EXOC5: variants seen among roughly 807,000 people sequenced by gnomAD.
EXOC5 encodes exocyst complex component 5.
EXOC5 carries 17 observed loss-of-function variants against 90.8 expected under a neutral mutation model. The ratio of observed to expected loss-of-function variants is 0.19; its 90% CI spans 0.13 to 0.28. The LOEUF (loss-of-function observed/expected upper bound fraction) is 0.28, where lower values mean the gene tolerates loss of function less well. EXOC5 is among the 10% of genes least tolerant of loss of function. The probability of loss-of-function intolerance (pLI) is 1.00; values close to 1 mark genes in which losing one functional copy is unlikely to be tolerated. For synonymous variants in EXOC5, 260 were observed against 270.0 expected, an observed-to-expected ratio of 0.96 and a Z score of 0.36; for missense variants, 569 against 830.6, an observed-to-expected ratio of 0.69 and a Z score of 3.87.
Position 57,268,344 on chromosome 14 carries a change from C to T in EXOC5, c.27+278G>A, listed in dbSNP as rs189209835. On this transcript the variant is annotated intron_variant, in intron 1 of 17. Coordinates refer to ENST00000621441, the MANE Select transcript of EXOC5 (RefSeq NM_006544.4). ...AACACCCGAACCTTCCAGACTTTCC[C>T]TCTTGCCCCCACAAACAAAAGCAAC... 28 of 780,904 alleles carry T rather than the reference C, an allele frequency of 3.6e-5. No homozygotes were observed. In the Admixed American group the frequency reaches 8.4e-4, roughly 23 times the overall value. The allele number at this position is 780,904 out of a possible 1,614,324, so 48.4% of individuals were successfully genotyped here.
intron 1 of EXOC5, among the ~76,000 whole-genome samples, chr14:57,260,551 T>C (rs904153489): frequency 8.5e-5 from 13 of 152,176 alleles, no homozygotes; most frequent in African/African-American, 3.1e-4. Context: ...TTTTCCAGGA[T>C]AGAATATATC....
chr14:57,242,757 C>T (rs1251627956), intron 4 of EXOC5, among the ~76,000 whole-genome samples: 2 of 151,996 alleles, frequency 1.3e-5, no homozygotes, highest in Admixed American at 6.6e-5. Context: ...TAATAATTGG[C>T]AATCTAATAC....
chr14:57,267,618 T>C (rs1884715585), intron 1 of EXOC5, among the ~76,000 whole-genome samples: 1 of 152,220 alleles, frequency 6.6e-6, no homozygotes, highest in Non-Finnish European at 1.5e-5. Flanking sequence ...TTCTTTCCTT[T>C]TTCTTATCCG....
At chr14:57,232,842 T>G in intron 9 of EXOC5, 93 bp from the exon 10 acceptor site, 1 of 588,226 alleles carries the variant, frequency 1.7e-6, no homozygotes, top group Non-Finnish European at 2.9e-6. Flanking sequence ...ACTCCACAGT[T>G]TTGAACCTTT....
intron 15 of EXOC5, among the ~76,000 whole-genome samples, chr14:57,214,338 C>G (rs1326382082): frequency 6.6e-6 from 1 of 152,232 alleles, no homozygotes; most frequent in South Asian, 2.1e-4. Context: ...TGACTGTGCC[C>G]TGTCACATGA....
chr14:57,251,858 A>G (rs1884206815), intron 1 of EXOC5, among the ~76,000 whole-genome samples: 1 of 152,148 alleles, frequency 6.6e-6, no homozygotes, highest in African/African-American at 2.4e-5. Context: ...TACTAAAATC[A>G]CAAATGAAAA....
intron 12 of EXOC5, among the ~76,000 whole-genome samples, chr14:57,224,638 C>CAAAG (rs907012250): frequency 6.6e-6 from 1 of 151,758 alleles, no homozygotes; most frequent in Non-Finnish European, 1.5e-5. Flanking sequence ...TGACTTTTAC[C>CAAAG]AAAGAAAGAA....
chr14:57,268,814 C>T lies in EXOC5; in HGVS notation c.-166G>A. On this transcript the variant is annotated 5_prime_UTR_variant, in exon 1 of 18. It removes an upstream start codon present in the reference 5' UTR. Coordinates refer to ENST00000621441, the MANE Select transcript of EXOC5 (RefSeq NM_006544.4). The stretch of plus-strand genomic sequence containing the variant: ...ATCCCAGGAGGGGCGGGAGAGCGGC[C>T]ATGAAGCGAAGCCGCAAACGCTTGT... 2 of 1,400,520 alleles carry T rather than the reference C, an allele frequency of 1.4e-6. No homozygotes were observed. The highest frequency in any genetic ancestry group is 1.8e-6 in the Non-Finnish European group (2 of 1,084,256). The allele number at this position is 1,400,520 out of a possible 1,614,324, so 86.8% of individuals were successfully genotyped here. A position where few individuals can be genotyped will look rare whatever the true frequency, so the allele number is the denominator to read the frequency against.
In EXOC5 at chr14:57,201,308, G is replaced by A. The variant is rs1882491266; in HGVS notation, c.*7301C>T. 2 of 151,568 alleles carry A rather than the reference G, an allele frequency of 1.3e-5. No individual in the cohort carries two copies. Among genetic ancestry groups the A allele is most frequent in the Non-Finnish European group, 2.9e-5 (2 of 67,914 alleles). The allele number at this position is 151,568 out of a possible 1,614,324, so 9.4% of individuals were successfully genotyped here. On this transcript the variant is annotated 3_prime_UTR_variant, in exon 18 of 18. Coordinates refer to ENST00000621441, the MANE Select transcript of EXOC5 (RefSeq NM_006544.4). ...AACGACACAGGAGACAACCTGAAGA[G>A]GCTACTTCTGACCAAATTTGGGATA...
At chr14:57,243,476 C>T (rs990661208) in intron 4 of EXOC5, 1 of 152,040 alleles carries the variant, frequency 6.6e-6, no homozygotes. Context: ...TATGAGTGGA[C>T]AATGTTGCTA....
intron 1 of EXOC5, among the ~76,000 whole-genome samples, chr14:57,264,850 T>C (rs1422328002): frequency 1.3e-5 from 2 of 152,230 alleles, no homozygotes; most frequent in South Asian, 2.1e-4. Context: ...TATAACCTTA[T>C]TTTTAAGAGT....
chr14:57,251,602 C>G (rs1414893618), intron 1 of EXOC5, among the ~76,000 whole-genome samples: 1 of 151,442 alleles, frequency 6.6e-6, no homozygotes, highest in East Asian at 1.9e-4. Context: ...ATCAACACAA[C>G]TTTAAAACTT....
intron 4 of EXOC5, among the ~76,000 whole-genome samples, chr14:57,242,206 T>C (rs922491056): frequency 4.7e-5 from 7 of 149,640 alleles, no homozygotes; most frequent in East Asian, 2.0e-4. Flanking sequence ...AAACACATAA[T>C]AGGGTTTTTT....
chr14:57,211,211 G>A lies in EXOC5; in HGVS notation c.1614-1150C>T, dbSNP rs138026328. Among the ~76,000 whole-genome samples, 678 of 152,222 alleles carry A rather than the reference G, an allele frequency of 4.5e-3. 7 individuals carry two copies. The highest frequency in any genetic ancestry group is 0.015 in the African/African-American group (627 of 41,516). On this transcript the variant is annotated intron_variant, in intron 15 of 17. Coordinates refer to ENST00000621441, the MANE Select transcript of EXOC5 (RefSeq NM_006544.4). ...GCATTTTTTCTGCAGTGTTAGCAAC[G>A]TCACCTTGTCACTATTATCACAATC...
At chr14:57,250,777 C>T (rs927180472) in intron 1 of EXOC5, among the ~76,000 whole-genome samples, 2 of 152,130 alleles carry the variant, frequency 1.3e-5, no homozygotes, top group African/African-American at 4.8e-5. Context: ...ATCCTAAAGT[C>T]GCCCCTGTCC....
Position 57,208,529 on chromosome 14 carries a change from T to TG in EXOC5, c.*79_*80insC. 5 of 1,030,870 alleles carry TG rather than the reference T, an allele frequency of 4.9e-6. No individual in the cohort carries two copies. In the South Asian group the frequency reaches 8.6e-5, roughly 18 times the overall value. The allele number at this position is 1,030,870 out of a possible 1,614,324, so 63.9% of individuals were successfully genotyped here. A position where few individuals can be genotyped will look rare whatever the true frequency, so the allele number is the denominator to read the frequency against. ...TGTGTCATAAGGTATCTCCTGTGCT[T>TG]TCTATCAACCGAGGGCTGCTGAAGT... On this transcript the variant is annotated 3_prime_UTR_variant, in exon 18 of 18. Coordinates refer to ENST00000621441, the MANE Select transcript of EXOC5 (RefSeq NM_006544.4).
In EXOC5 at chr14:57,202,547, A is replaced by T. The variant is rs1882538177; in HGVS notation, c.*6062T>A. 1 of 152,158 alleles carries T rather than the reference A, an allele frequency of 6.6e-6. No individual in the cohort carries two copies. The highest frequency in any genetic ancestry group is 1.5e-5 in the Non-Finnish European group (1 of 68,030). 9.4% of individuals were successfully genotyped at this position (152,158 alleles called of 1,614,324 possible). A position where few individuals can be genotyped will look rare whatever the true frequency, so the allele number is the denominator to read the frequency against. On this transcript the variant is annotated 3_prime_UTR_variant, in exon 18 of 18. Transcript: ENST00000621441. The stretch of plus-strand genomic sequence containing the variant: ...TTCTGTTAAGTCTGATTGTTTCAAA[A>T]ATTTTTCTTTAAAAAGCAGAATGTA...
chr14:57,268,717 GC>G lies in EXOC5; in HGVS notation c.-70del. On this transcript the variant is annotated 5_prime_UTR_variant, in exon 1 of 18. An upstream open reading frame in the 5' UTR loses its in-frame stop. Coordinates refer to ENST00000621441, the MANE Select transcript of EXOC5 (RefSeq NM_006544.4). ...GCTTCACATGCTGCGCCTCAGAGGCGCGGCGCACAGGTCTCCGCTCGGCTCG... is the reference window on the plus strand; with the variant it reads ...GCTTCACATGCTGCGCCTCAGAGGCGGGCGCACAGGTCTCCGCTCGGCTCG... 1 of 1,538,280 alleles carries G rather than the reference GC, an allele frequency of 6.5e-7. No homozygotes were observed.
chr14:57,222,748 T>TAC (rs1160922472), intron 12 of EXOC5, among the ~76,000 whole-genome samples: 172 of 147,184 alleles, frequency 1.2e-3, no homozygotes, highest in East Asian at 6.0e-3. Flanking sequence ...CATATATATA[T>TAC]ACACACACAC....
Sources: allele counts gnomAD v4.1 joint callset (sites outside exome capture counted in the v4.1 genomes callset), GRCh38; gene constraint gnomAD v4.1.1; transcripts MANE v1.5; gene names NCBI Gene and HGNC (gene_info 2026-07-23, HGNC 2026-07-21).